The following TENM1 variants were observed in gnomAD, a reference collection of about 807,000 sequenced individuals.
The protein encoded by TENM1 is teneurin transmembrane protein 1.
In TENM1, 35 loss-of-function variants were observed where a neutral mutation model predicts 174.8. The ratio of observed to expected loss-of-function variants is 0.20; its 90% CI spans 0.15 to 0.27. The LOEUF (loss-of-function observed/expected upper bound fraction) is 0.27, where lower values mean the gene tolerates loss of function less well. TENM1 is among the 10% of genes least tolerant of loss of function. TENM1 has a pLI of 1.00. For synonymous variants in TENM1, 781 were observed against 798.7 expected (o/e 0.98, Z 0.37); for missense variants, 1,633 against 2,130.1 (o/e 0.77, Z 4.59).
chrX:124,644,160 G>GAA, intron 10 of TENM1, among the ~76,000 whole-genome samples: 1 of 87,748 alleles, frequency 1.1e-5, no homozygotes, highest in African/African-American at 4.4e-5. Flanking sequence ...TATATATATG[G>GAA]CATATATGGC....
the TENM1 span, among the ~76,000 whole-genome samples, chrX:125,098,090 T>C: frequency 3.6e-5 from 4 of 111,220 alleles, no homozygotes; most frequent in Admixed American, 9.6e-5. Context: ...GGTGAAACCC[T>C]GTCTCTACTA....
chrX:124,543,213 C>A, intron 15 of TENM1, among the ~76,000 whole-genome samples: 1 of 112,558 alleles, frequency 8.9e-6, no homozygotes, highest in Non-Finnish European at 1.9e-5. Flanking sequence ...GCCCATGCAT[C>A]CCAAGCTGTG....
chrX:124,578,358 C>T (rs2843502), intron 11 of TENM1, among the ~76,000 whole-genome samples: 27,021 of 110,937 alleles, frequency 0.24, 2,458 homozygotes, highest in South Asian at 0.41. Context: ...CTTCTGTTTT[C>T]AACACTTCTT....
At chrX:124,734,526 T>C (rs2053630009) in intron 4 of TENM1, among the ~76,000 whole-genome samples, 2 of 111,798 alleles carry the variant, frequency 1.8e-5, no homozygotes, top group African/African-American at 3.3e-5. Flanking sequence ...AATTGGGTTA[T>C]TGTCACCATA....
chrX:124,829,909 C>T (rs866526469), intron 3 of TENM1, among the ~76,000 whole-genome samples: 1 of 112,129 alleles, frequency 8.9e-6, no homozygotes. Context: ...AATATTTATT[C>T]ATTGTGTGCC....
intron 1 of TENM1, among the ~76,000 whole-genome samples, chrX:124,905,162 A>T (rs924700180): frequency 1.8e-4 from 19 of 107,337 alleles, no homozygotes; most frequent in Admixed American, 8.0e-4. Context: ...TGTCTCAATT[A>T]AAAAAAAAAT....
chrX:124,861,461 A>G (rs1467671452), intron 3 of TENM1, among the ~76,000 whole-genome samples: 4 of 111,900 alleles, frequency 3.6e-5, no homozygotes, highest in African/African-American at 1.3e-4. Flanking sequence ...AAACTCCGAC[A>G]TGATTCAGGA....
rs765483631 is a variant in TENM1 at position 124,745,489 on chromosome X, C to T, written c.536-8292G>A. On this transcript the variant is annotated intron_variant, in intron 3 of 31. Coordinates refer to ENST00000422452, the Ensembl canonical transcript of TENM1. ...GTTGCTATAATAGAGGGCTGAAATTCACAAATGATTTATTTTTAAAAAGTA... is the reference window on the plus strand; with the variant it reads ...GTTGCTATAATAGAGGGCTGAAATTTACAAATGATTTATTTTTAAAAAGTA... Among the ~76,000 whole-genome samples, 440 of 111,243 alleles carry T rather than the reference C, an allele frequency of 4.0e-3. 1 individual carries two copies. Among genetic ancestry groups the T allele is most frequent in the African/African-American group, 0.013 (412 of 30,668 alleles).
chrX:124,870,055 T>C (rs1188026760), intron 3 of TENM1, among the ~76,000 whole-genome samples: 1 of 111,467 alleles, frequency 9.0e-6, no homozygotes, highest in Non-Finnish European at 1.9e-5. Flanking sequence ...TTATTTCACA[T>C]TGCGTGCCTG....
At chrX:124,446,460 A>T (rs1028216644) in intron 23 of TENM1, among the ~76,000 whole-genome samples, 1 of 112,575 alleles carries the variant, frequency 8.9e-6, no homozygotes, top group South Asian at 3.6e-4. Context: ...AGTTATTCTT[A>T]GACTTACTAT....
rs1757464494 is a variant in TENM1 at position 124,490,739 on chromosome X, A to T, written c.3696-3510T>A. The stretch of plus-strand genomic sequence containing the variant: ...GAATAACAAAATCTTGAACAACAGC[A>T]GCATGAGGTTTTTATAAAGAATAAA... On this transcript the variant is annotated intron_variant, in intron 20 of 31. Transcript: ENST00000422452. 2.7e-5 allele frequency among the ~76,000 whole-genome samples: 3 copies of T among 112,323 alleles called. No homozygotes were observed. In the South Asian group the frequency reaches 1.1e-3, roughly 42 times the overall value.
chrX:125,012,838 T>C, the TENM1 span, among the ~76,000 whole-genome samples: 1 of 112,129 alleles, frequency 8.9e-6, no homozygotes, highest in Admixed American at 9.5e-5. Flanking sequence ...AATTCAAGGG[T>C]ATTACTTGAG....
intron 22 of TENM1, among the ~76,000 whole-genome samples, chrX:124,469,767 A>G (rs1490075958): frequency 8.9e-6 from 1 of 112,006 alleles, no homozygotes; most frequent in Non-Finnish European, 1.9e-5. Flanking sequence ...TGGAACACAT[A>G]TGAAAGACAA....
At chrX:125,037,240 C>T in the TENM1 span, among the ~76,000 whole-genome samples, 3 of 110,066 alleles carry the variant, frequency 2.7e-5, no homozygotes, top group African/African-American at 6.6e-5. Context: ...TAATGCTTCC[C>T]CCATCTGGAG....
At chrX:124,657,135 A>G (rs1460590478) in intron 6 of TENM1, among the ~76,000 whole-genome samples, 1 of 111,562 alleles carries the variant, frequency 9.0e-6, no homozygotes, top group Non-Finnish European at 1.9e-5. Context: ...TTGGCATTTA[A>G]TCTCTTATTT....
intron 3 of TENM1, among the ~76,000 whole-genome samples, chrX:124,799,719 T>C (rs1035290674): frequency 3.7e-4 from 41 of 112,037 alleles, no homozygotes; most frequent in African/African-American, 1.3e-3. Flanking sequence ...TCCCATTCAG[T>C]ATGATATTGG....
intron 18 of TENM1, among the ~76,000 whole-genome samples, chrX:124,511,063 A>G (rs933208541): frequency 5.4e-5 from 6 of 112,019 alleles, no homozygotes; most frequent in African/African-American, 1.9e-4. Context: ...GATATCCTAT[A>G]TCTTATAACC....
intron 18 of TENM1, among the ~76,000 whole-genome samples, chrX:124,510,793 C>CACACACACACACACACACACT (rs59451235): frequency 9.0e-6 from 1 of 111,644 alleles, no homozygotes; most frequent in African/African-American, 3.3e-5. Context: ...CACACACACA[C>CACACACACACACACACACACT]TTGAAGTTTT....
At chrX:124,719,669 C>T (rs1395200592) in intron 4 of TENM1, among the ~76,000 whole-genome samples, 1 of 111,244 alleles carries the variant, frequency 9.0e-6, no homozygotes, top group Non-Finnish European at 1.9e-5. Context: ...AAAGAAGAAA[C>T]ACATTGGTTC....
Sources: gnomAD v4.1 joint callset for allele counts (sites outside exome capture counted in the v4.1 genomes callset) on GRCh38, gnomAD v4.1.1 for gene constraint, MANE v1.5 for transcripts, NCBI Gene and HGNC (gene_info 2026-07-23, HGNC 2026-07-21) for gene names.